The following TAFA2 variants were observed in gnomAD, a reference collection of about 807,000 sequenced individuals.
TAFA2 encodes chemokine-like protein TAFA-2.
Under a neutral mutation model 18.8 loss-of-function variants are expected in TAFA2, and 7 were observed. That is an observed-to-expected ratio of 0.37 (90% CI 0.21 to 0.70). The LOEUF is 0.70. Ranked by LOEUF, TAFA2 falls within the 30% of genes least tolerant of loss-of-function variation. TAFA2 has a pLI of 0.53. For missense variants in TAFA2, 122 were observed against 158.1 expected (o/e 0.77, Z 1.23); for synonymous variants, 60 against 54.2 (o/e 1.11, Z -0.47).
intron 1 of TAFA2, among the ~76,000 whole-genome samples, chr12:62,188,892 T>C (rs1405354937): frequency 6.6e-6 from 1 of 152,174 alleles, no homozygotes; most frequent in African/African-American, 2.4e-5. Context: ...CATATTGCCA[T>C]CTCTAAGCAA....
At chr12:61,990,337 A>ATTTTTTTTTTTTTTTTTTTTTTTTTTTT (rs71083969) in intron 1 of TAFA2, among the ~76,000 whole-genome samples, 1 of 108,228 alleles carries the variant, frequency 9.2e-6, no homozygotes, top group Non-Finnish European at 1.7e-5. Context: ...CACTGTGCCA[A>ATTTTTTTTTTTTTTTTTTTTTTTTTTTT]TTTTTTTTTT....
intron 1 of TAFA2, among the ~76,000 whole-genome samples, chr12:62,245,702 A>G (rs1214949971): frequency 6.8e-6 from 1 of 146,938 alleles, no homozygotes; most frequent in Non-Finnish European, 1.5e-5. Flanking sequence ...TAATTTTTAT[A>G]TATTTATATA....
At chr12:61,962,906 C>T (rs1314039753) in intron 1 of TAFA2, among the ~76,000 whole-genome samples, 1 of 151,642 alleles carries the variant, frequency 6.6e-6, no homozygotes, top group Non-Finnish European at 1.5e-5. Context: ...CCTAGCCCCC[C>T]ACCAGCCAAC....
chr12:62,116,399 T>C (rs1054522898), intron 1 of TAFA2, among the ~76,000 whole-genome samples: 1 of 152,176 alleles, frequency 6.6e-6, no homozygotes, highest in Non-Finnish European at 1.5e-5. Flanking sequence ...CAACGACAGA[T>C]GCTTCTAATT....
chr12:62,049,348 G>A (rs559183126), intron 1 of TAFA2, among the ~76,000 whole-genome samples: 1 of 152,326 alleles, frequency 6.6e-6, no homozygotes, highest in African/African-American at 2.4e-5. Flanking sequence ...TGGCAGCACT[G>A]TGACTTGGAA....
In TAFA2 at chr12:62,104,838, C is replaced by G. The variant is rs761779914; in HGVS notation, c.-2+86421G>C. The G allele has an allele frequency of 5.7e-5, 20 of 352,500 alleles. 1 individual carries two copies. The highest frequency in any genetic ancestry group is 3.7e-4 in the South Asian group (18 of 48,462). 21.8% of individuals were successfully genotyped at this position (352,500 alleles called of 1,614,324 possible). ...TTTATGACAAGGTGATTTTGAGGCT[C>G]AAGTTTGGCTCCTACGTCTCACAGA... On this transcript the variant is annotated intron_variant, in intron 1 of 4. Transcript: ENST00000416284.
intron 1 of TAFA2, among the ~76,000 whole-genome samples, chr12:62,121,558 T>C (rs1375209448): frequency 6.6e-6 from 1 of 152,232 alleles, no homozygotes; most frequent in Non-Finnish European, 1.5e-5. Context: ...TTTCATCTTA[T>C]GGCAATGATT....
chr12:61,963,775 A>G (rs1003858936), intron 1 of TAFA2, among the ~76,000 whole-genome samples: 3 of 152,060 alleles, frequency 2.0e-5, no homozygotes, highest in East Asian at 3.9e-4. Context: ...AGCCAAGACA[A>G]TCCTAACCAA....
At chr12:62,171,970 CTT>C (rs755869471) in intron 1 of TAFA2, among the ~76,000 whole-genome samples, 1 of 152,084 alleles carries the variant, frequency 6.6e-6, no homozygotes, top group East Asian at 1.9e-4. Flanking sequence ...ACATATATCA[CTT>C]TTTAAAATTC....
intron 1 of TAFA2, among the ~76,000 whole-genome samples, chr12:61,975,288 A>T (rs142467536): frequency 1.8e-3 from 275 of 151,778 alleles, no homozygotes; most frequent in African/African-American, 4.8e-3. Context: ...CCTTTGACCT[A>T]CATCTCCCCA....
intron 1 of TAFA2, among the ~76,000 whole-genome samples, chr12:62,142,209 A>G (rs2062245282): frequency 6.6e-6 from 1 of 152,226 alleles, no homozygotes; most frequent in Admixed American, 6.5e-5. Context: ...GTATACAATG[A>G]GAAAAATAAT....
chr12:61,971,393 C>T (rs2582334), intron 1 of TAFA2, among the ~76,000 whole-genome samples: 49,186 of 151,406 alleles, frequency 0.32, 8,981 homozygotes, highest in Non-Finnish European at 0.41. Context: ...TGTTAAATGA[C>T]GAGTTAATGG....
At chr12:61,762,703 T>C (rs1869611287) in intron 2 of TAFA2, among the ~76,000 whole-genome samples, 3 of 151,342 alleles carry the variant, frequency 2.0e-5, no homozygotes, top group Non-Finnish European at 4.4e-5. Flanking sequence ...AAAAAATCAA[T>C]CTGACATCAA....
At chr12:62,165,519 C>T (rs2062432805) in intron 1 of TAFA2, among the ~76,000 whole-genome samples, 3 of 152,002 alleles carry the variant, frequency 2.0e-5, no homozygotes, top group Admixed American at 2.0e-4. Flanking sequence ...ATGTTACTAC[C>T]TAGATGTTGT....
intron 1 of TAFA2, among the ~76,000 whole-genome samples, chr12:62,157,368 T>A (rs1255910796): frequency 6.6e-6 from 1 of 152,178 alleles, no homozygotes; most frequent in African/African-American, 2.4e-5. Flanking sequence ...AGAAAGAAGT[T>A]GGCACAGTAA....
chr12:61,754,535 T>C (rs1326180469), intron 3 of TAFA2, among the ~76,000 whole-genome samples: 1 of 151,840 alleles, frequency 6.6e-6, no homozygotes, highest in Non-Finnish European at 1.5e-5. Context: ...TATTAAATCA[T>C]CCATTTTCAT....
At chr12:61,711,158 A>C (rs992090276) in intron 4 of TAFA2, among the ~76,000 whole-genome samples, 11 of 152,020 alleles carry the variant, frequency 7.2e-5, no homozygotes, top group Non-Finnish European at 1.5e-5. Context: ...ACAGGAAAAA[A>C]GAATAATAAA....
chr12:61,777,993 T>C (rs1870341421), intron 2 of TAFA2, among the ~76,000 whole-genome samples: 1 of 151,782 alleles, frequency 6.6e-6, no homozygotes, highest in Non-Finnish European at 1.5e-5. Context: ...AAGGGATAAC[T>C]GGGAGCTCAT....
At chr12:61,726,637 A>G (rs1459697140) in intron 4 of TAFA2, among the ~76,000 whole-genome samples, 2 of 152,072 alleles carry the variant, frequency 1.3e-5, no homozygotes, top group Non-Finnish European at 2.9e-5. Flanking sequence ...TTTTTGGATG[A>G]GTCCTTAGGG....
Sources: allele counts gnomAD v4.1 joint callset (sites outside exome capture counted in the v4.1 genomes callset), GRCh38; gene constraint gnomAD v4.1.1; transcripts MANE v1.5; gene names NCBI Gene and HGNC (gene_info 2026-07-23, HGNC 2026-07-21).